Variants in GPR158 observed in about 807,000 individuals in gnomAD.
The protein encoded by GPR158 is G protein-coupled receptor 158, also known as metabotropic glycine receptor.
In GPR158, 30 loss-of-function variants were observed where a neutral mutation model predicts 78.2. The ratio of observed to expected loss-of-function variants is 0.38; its 90% CI spans 0.29 to 0.52. GPR158 has a LOEUF of 0.52. Among genes scored for constraint, GPR158 ranks in the 20% least tolerant of loss-of-function variants. GPR158 has a pLI of 0.83. For missense variants in GPR158, 1,463 were observed against 1,523.5 expected (o/e 0.96, Z 0.66); for synonymous variants, 581 against 591.1 (o/e 0.98, Z 0.25).
chr10:25,393,535 C>CT (rs1834330374), intron 2 of GPR158: 1 of 152,158 alleles, frequency 6.6e-6, no homozygotes, highest in African/African-American at 2.4e-5. Context: ...TCTCAGGATC[C>CT]TTTGATTCTT....
At chr10:25,443,388 C>T (rs966960954) in intron 4 of GPR158, among the ~76,000 whole-genome samples, 9 of 151,836 alleles carry the variant, frequency 5.9e-5, no homozygotes, top group African/African-American at 2.2e-4. Context: ...AACCCCACCT[C>T]TATTAAAAAT....
At chr10:25,488,170 T>C (rs894319457) in intron 5 of GPR158, among the ~76,000 whole-genome samples, 3 of 152,124 alleles carry the variant, frequency 2.0e-5, no homozygotes, top group African/African-American at 7.2e-5. Context: ...TACCATTCCC[T>C]CTACCGTGTC....
chr10:25,587,694 A>T (rs1166097961), intron 7 of GPR158, among the ~76,000 whole-genome samples: 1 of 152,174 alleles, frequency 6.6e-6, no homozygotes, highest in East Asian at 1.9e-4. Flanking sequence ...CCTACACTAG[A>T]TCTCATGGAG....
chr10:25,474,707 C>A (rs547571854), intron 5 of GPR158, among the ~76,000 whole-genome samples: 13 of 152,232 alleles, frequency 8.5e-5, no homozygotes, highest in African/African-American at 3.1e-4. Context: ...CAGCAATTAG[C>A]CCAGTGCCTG....
At chr10:25,282,202 GA>G (rs139509750) in intron 2 of GPR158, among the ~76,000 whole-genome samples, 4,845 of 152,122 alleles carry the variant, frequency 0.032, 268 homozygotes, top group African/African-American at 0.11. Context: ...GCATTTTCCA[GA>G]AAATCATATA....
chr10:25,244,033 A>T (rs543633015), intron 2 of GPR158: 1 of 151,228 alleles, frequency 6.6e-6, no homozygotes, highest in South Asian at 2.1e-4. Flanking sequence ...TTAGGGGCCT[A>T]TTTTTTTTTC....
intron 5 of GPR158, among the ~76,000 whole-genome samples, chr10:25,513,172 T>C (rs2130671422): frequency 6.6e-6 from 1 of 151,528 alleles, no homozygotes. Flanking sequence ...TCCTGGATTT[T>C]TTTTTTTTGT....
intron 2 of GPR158, among the ~76,000 whole-genome samples, chr10:25,232,421 C>T (rs1346956353): frequency 6.6e-6 from 1 of 152,232 alleles, no homozygotes; most frequent in South Asian, 2.1e-4. Flanking sequence ...GCTTGGCAGC[C>T]CCCTTTTTGA....
At chr10:25,313,569 A>G (rs1388735294) in intron 2 of GPR158, among the ~76,000 whole-genome samples, 1 of 152,024 alleles carries the variant, frequency 6.6e-6, no homozygotes, top group Non-Finnish European at 1.5e-5. Flanking sequence ...TATTTTCCCA[A>G]AGATTTTTGA....
rs774614967 is a variant in GPR158, at chr10:25,598,422, G to C, written c.2796G>C (p.Gln932His). The part of the protein sequence containing the change: ...TAGVEERTKS[Q>H]KPLPKDKETN... ...GTGTGGAAGAACGCACTAAATCCCA[G>C]AAACCTTTGCCAAAAGATAAAGAGA... Residue 932 changes from glutamine (Q) to histidine (H), a missense_variant, in exon 11 of 11, where the codon CAG (glutamine) becomes CAC (histidine). Physicochemically the swap from Gln to His is conservative, Grantham distance 24. Coordinates refer to ENST00000376351, the MANE Select transcript of GPR158 (RefSeq NM_020752.3). 6.2e-7 allele frequency: 1 copy of C among 1,614,074 alleles called. No homozygotes were observed. Among genetic ancestry groups the C allele is most frequent in the Non-Finnish European group, 8.5e-7 (1 of 1,180,016 alleles).
chr10:25,427,582 T>G (rs11014546), intron 4 of GPR158, among the ~76,000 whole-genome samples: 13,911 of 152,140 alleles, frequency 0.091, 683 homozygotes, highest in East Asian at 0.17. Flanking sequence ...TTTTTTAAAT[T>G]TGTATAATTT....
At chr10:25,226,661 A>G (rs1401776792) in intron 2 of GPR158, among the ~76,000 whole-genome samples, 20 of 152,084 alleles carry the variant, frequency 1.3e-4, no homozygotes, top group Admixed American at 1.3e-3. Context: ...CTTTTCTCCT[A>G]TTACTAGTGT....
intron 5 of GPR158, among the ~76,000 whole-genome samples, chr10:25,542,195 C>T (rs1391596962): frequency 2.6e-5 from 4 of 152,056 alleles, no homozygotes; most frequent in Non-Finnish European, 5.9e-5. Flanking sequence ...CATAACACCT[C>T]ACTTACCTGT....
intron 5 of GPR158, among the ~76,000 whole-genome samples, chr10:25,525,309 A>G (rs915802277): frequency 1.2e-4 from 19 of 152,230 alleles, no homozygotes; most frequent in African/African-American, 4.6e-4. Context: ...GCATATGTCC[A>G]CAAAAACACT....
At chr10:25,213,692 T>G (rs1853166193) in intron 1 of GPR158, among the ~76,000 whole-genome samples, 1 of 152,144 alleles carries the variant, frequency 6.6e-6, no homozygotes, top group African/African-American at 2.4e-5. Flanking sequence ...ATTAAAAGTT[T>G]GGTAGAATTC....
chr10:25,291,164 C>G (rs1831921), intron 2 of GPR158, among the ~76,000 whole-genome samples: 37,777 of 151,142 alleles, frequency 0.25, 5,565 homozygotes, highest in African/African-American at 0.41. Context: ...ACAAAGAAAT[C>G]CACAATAAAA....
chr10:25,580,081 T>A (rs945444609), intron 7 of GPR158, among the ~76,000 whole-genome samples: 2 of 152,220 alleles, frequency 1.3e-5, no homozygotes, highest in African/African-American at 4.8e-5. Context: ...GAGCTTGACA[T>A]CACTTGTTAT....
At chr10:25,469,031 C>G (rs1029988881) in intron 5 of GPR158, among the ~76,000 whole-genome samples, 2 of 152,162 alleles carry the variant, frequency 1.3e-5, no homozygotes, top group Admixed American at 1.3e-4. Flanking sequence ...AAAGGTACGG[C>G]TGCCGGGACA....
At chr10:25,329,039 T>G (rs1855079642) in intron 2 of GPR158, among the ~76,000 whole-genome samples, 1 of 152,040 alleles carries the variant, frequency 6.6e-6, no homozygotes, top group African/African-American at 2.4e-5. Context: ...TTACTATTCC[T>G]AGCTAACTGG....
Sources: gnomAD v4.1 joint callset for allele counts (sites outside exome capture counted in the v4.1 genomes callset) on GRCh38, gnomAD v4.1.1 for gene constraint, MANE v1.5 for transcripts, NCBI Gene and HGNC (gene_info 2026-07-23, HGNC 2026-07-21) for gene names.